The following PCDHGB6 variants were observed in gnomAD, a reference collection of about 807,000 sequenced individuals.
PCDHGB6 encodes protocadherin gamma subfamily B, 6.
A neutral mutation model predicts 59.1 loss-of-function variants in PCDHGB6; 51 were observed. The observed-to-expected ratio is 0.86, with a 90% CI of 0.69 to 1.09. The LOEUF (loss-of-function observed/expected upper bound fraction) is 1.09. PCDHGB6 is among the 50% of genes least tolerant of loss of function. The pLI, the probability that PCDHGB6 is intolerant of heterozygous loss-of-function variation, is 0.00. For missense variants in PCDHGB6, 1,148 were observed against 1,205.1 expected (o/e 0.95, Z 0.70); for synonymous variants, 466 against 495.1 (o/e 0.94, Z 0.78).
At chr5:141,449,016 C>T (rs2098623330) in intron 1 of PCDHGB6, among the ~76,000 whole-genome samples, 1 of 152,008 alleles carries the variant, frequency 6.6e-6, no homozygotes, top group African/African-American at 2.4e-5. Context: ...TTAACAGTTG[C>T]TTAGCATTCC....
At position 141,415,266 on chromosome 5, in the gene PCDHGB6, G is replaced by C. The variant is rs371754316; in HGVS notation, c.2418+4646G>C. 49 of 1,614,100 alleles carry C rather than the reference G, an allele frequency of 3.0e-5. No individual in the cohort carries two copies. The African/African-American group carries it at 6.4e-4, about 21-fold the overall frequency. On this transcript the variant is annotated intron_variant, in intron 1 of 3. Transcript: ENST00000520790. ...AAACCTCAGACCTCACTCTGTACCT[G>C]GTGGTAGCGGTGGCCGCGGTCTCCT...
In PCDHGB6 at chr5:141,485,068, T is replaced by C; in HGVS notation, c.2419-9739T>C. On this transcript the variant is annotated intron_variant, in intron 1 of 3. Transcript: ENST00000520790. The surrounding 1 kb of genome is among the most constrained non-coding windows in gnomAD (Gnocchi z 5.7). ...GGCGCCGGCCGAACCGCGCCAGAGCTGGCGCGGGGAAAGGGAGATAGGTGT... is the reference window on the plus strand; with the variant it reads ...GGCGCCGGCCGAACCGCGCCAGAGCCGGCGCGGGGAAAGGGAGATAGGTGT... 1 of 896,972 alleles carries C rather than the reference T, an allele frequency of 1.1e-6. No homozygotes were observed. The highest frequency in any genetic ancestry group is 1.6e-5 in the South Asian group (1 of 61,812). The allele number at this position is 896,972 out of a possible 1,614,324, so 55.6% of individuals were successfully genotyped here. A position where few individuals can be genotyped will look rare whatever the true frequency, so the allele number is the denominator to read the frequency against.
At chr5:141,502,907 G>C (rs1335363561) in intron 2 of PCDHGB6, among the ~76,000 whole-genome samples, 2 of 138,924 alleles carry the variant, frequency 1.4e-5, no homozygotes, top group Non-Finnish European at 3.0e-5. Context: ...CTGTTGCCAG[G>C]CTGGAGTGCA....
intron 1 of PCDHGB6, among the ~76,000 whole-genome samples, chr5:141,455,410 G>A (rs1332059386): frequency 6.6e-6 from 1 of 152,130 alleles, no homozygotes; most frequent in Non-Finnish European, 1.5e-5. Context: ...CAGAGACAGA[G>A]GGAGCGGGGC....
At position 141,486,002 on chromosome 5, in the gene PCDHGB6, G is replaced by A. The variant is rs372373315; in HGVS notation, c.2419-8805G>A. ...CCCGGACCTGGGTCCCAGTGGTAAC[G>A]TCACCTTTTATTTCAGTGGTCATAC... On this transcript the variant is annotated intron_variant, in intron 1 of 3. Coordinates refer to ENST00000520790, the MANE Select transcript of PCDHGB6 (RefSeq NM_018926.3). The surrounding 1 kb of genome is among the most constrained non-coding windows in gnomAD (Gnocchi z 5.0). 2.0e-5 allele frequency: 33 copies of A among 1,614,030 alleles called. No homozygotes were observed. The highest frequency in any genetic ancestry group is 2.8e-5 in the Non-Finnish European group (33 of 1,180,014).
chr5:141,485,338 T>C lies in PCDHGB6; in HGVS notation c.2419-9469T>C, dbSNP rs1259658641. The stretch of plus-strand genomic sequence containing the variant: ...ATGTCGCTCAAGATTTCCTGCTGGA[T>C]ACGGACAGTCTGTCAGCTCGCAGGC... On this transcript the variant is annotated intron_variant, in intron 1 of 3. Coordinates refer to ENST00000520790, the MANE Select transcript of PCDHGB6 (RefSeq NM_018926.3). The surrounding 1 kb of genome is among the most constrained non-coding windows in gnomAD (Gnocchi z 5.7). 1 of 1,614,140 alleles carries C rather than the reference T, an allele frequency of 6.2e-7. No individual in the cohort carries two copies. Among genetic ancestry groups the C allele is most frequent in the Non-Finnish European group, 8.5e-7 (1 of 1,180,006 alleles).
chr5:141,432,476 A>G lies in PCDHGB6; in HGVS notation c.2418+21856A>G. 1 of 1,614,080 alleles carries G rather than the reference A, an allele frequency of 6.2e-7. No homozygotes were observed. Among genetic ancestry groups the G allele is most frequent in the East Asian group, 2.2e-5 (1 of 44,874 alleles). ...CCCCGCCCTCCCCACGGACGGTTCCACTGGCGTGGAGCTGGCTCCCCGCTC... is the reference window on the plus strand; with the variant it reads ...CCCCGCCCTCCCCACGGACGGTTCCGCTGGCGTGGAGCTGGCTCCCCGCTC... On this transcript the variant is annotated intron_variant, in intron 1 of 3. Transcript: ENST00000520790. The surrounding 1 kb of genome is among the most constrained non-coding windows in gnomAD (Gnocchi z 6.0).
rs1561710214 is a variant in PCDHGB6, at chr5:141,408,054, C to G, written c.-149C>G. The G allele has an allele frequency of 1.5e-6, 2 of 1,295,924 alleles. No homozygotes were observed. The highest frequency in any genetic ancestry group is 2.6e-5 in the East Asian group (1 of 39,072). 80.3% of individuals were successfully genotyped at this position (1,295,924 alleles called of 1,614,324 possible). A position where few individuals can be genotyped will look rare whatever the true frequency, so the allele number is the denominator to read the frequency against. ...GAAAACCAGCTCCCACACAGAGCCT[C>G]CCGGCTGCGCAGACCTTTCCCAGCA... On this transcript the variant is annotated 5_prime_UTR_variant, in exon 1 of 4. Transcript: ENST00000520790.
intron 3 of PCDHGB6, among the ~76,000 whole-genome samples, chr5:141,509,732 C>T (rs931066969): frequency 3.9e-5 from 6 of 152,182 alleles, no homozygotes; most frequent in Non-Finnish European, 5.9e-5. Flanking sequence ...CTAGCTGTGG[C>T]ACTCTGAGCC....
chr5:141,509,350 G>C (rs2099876432), intron 3 of PCDHGB6, among the ~76,000 whole-genome samples: 5 of 152,142 alleles, frequency 3.3e-5, no homozygotes. Flanking sequence ...GGGCTGGCCT[G>C]GGCATCCCTG....
chr5:141,462,253 A>C (rs7717600), intron 1 of PCDHGB6, among the ~76,000 whole-genome samples: 42,489 of 152,124 alleles, frequency 0.28, 6,669 homozygotes, highest in African/African-American at 0.43. Context: ...AGCCACCATG[A>C]CCAGCCTAAA....
At chr5:141,449,215 T>C (rs2098631967) in intron 1 of PCDHGB6, among the ~76,000 whole-genome samples, 2 of 152,170 alleles carry the variant, frequency 1.3e-5, no homozygotes, top group Non-Finnish European at 2.9e-5. Context: ...ACTTTCTGTT[T>C]TGAAATGATT....
chr5:141,432,685 C>T lies in PCDHGB6; in HGVS notation c.2418+22065C>T, dbSNP rs1561863583. 1 of 1,613,932 alleles carries T rather than the reference C, an allele frequency of 6.2e-7. No individual in the cohort carries two copies. The highest frequency in any genetic ancestry group is 1.7e-5 in the Admixed American group (1 of 60,020). ...ACAGAGACGCGCTCAAGCAGAGCCT[C>T]GTAGTGGCCGTCCAGGACCACGGCC... On this transcript the variant is annotated intron_variant, in intron 1 of 3. Coordinates refer to ENST00000520790, the MANE Select transcript of PCDHGB6 (RefSeq NM_018926.3). This position sits in a 1 kb window ranked among gnomAD's most constrained non-coding sequence, Gnocchi z 6.0.
chr5:141,456,299 A>G (rs11167748), intron 1 of PCDHGB6, among the ~76,000 whole-genome samples: 25,602 of 152,048 alleles, frequency 0.17, 2,205 homozygotes, highest in South Asian at 0.22. Context: ...TCTAATGGAG[A>G]ACAGCAGCTA....
chr5:141,508,550 G>T (rs1440375100), intron 3 of PCDHGB6, among the ~76,000 whole-genome samples: 3 of 152,138 alleles, frequency 2.0e-5, no homozygotes, highest in Non-Finnish European at 1.5e-5. Flanking sequence ...GGTGGGCGGG[G>T]GATGGCTTTG....
intron 1 of PCDHGB6, among the ~76,000 whole-genome samples, chr5:141,483,875 AT>A (rs2154580008): frequency 6.6e-6 from 1 of 151,964 alleles, no homozygotes; most frequent in Admixed American, 6.6e-5. Context: ...ATCAGGATGG[AT>A]TTTTCTATTT....
rs758266181 is a variant in PCDHGB6 at position 141,476,561 on chromosome 5, G to A, written c.2419-18246G>A. 1.9e-6 allele frequency: 3 copies of A among 1,614,100 alleles called. No homozygotes were observed. The highest frequency in any genetic ancestry group is 2.5e-6 in the Non-Finnish European group (3 of 1,180,050). Reference sequence around the variant, plus strand: ...GAAATTGGAGATTAGCGAGGCCGTGGCTCCGGGGACGCGCTTTCCGCTCGA... The same window carrying A: ...GAAATTGGAGATTAGCGAGGCCGTGACTCCGGGGACGCGCTTTCCGCTCGA... On this transcript the variant is annotated intron_variant, in intron 1 of 3. Coordinates refer to ENST00000520790, the MANE Select transcript of PCDHGB6 (RefSeq NM_018926.3). This position sits in a 1 kb window ranked among gnomAD's most constrained non-coding sequence, Gnocchi z 7.6.
intron 1 of PCDHGB6, among the ~76,000 whole-genome samples, chr5:141,494,070 C>T (rs933213518): frequency 3.9e-5 from 6 of 152,174 alleles, no homozygotes; most frequent in African/African-American, 1.4e-4. Context: ...AGCTGGATCC[C>T]TCCCCGCTGC....
chr5:141,454,407 T>TTTTA (rs1029547484), intron 1 of PCDHGB6, among the ~76,000 whole-genome samples: 21 of 152,236 alleles, frequency 1.4e-4, no homozygotes, highest in Admixed American at 1.2e-3. Flanking sequence ...GCTTATTCCT[T>TTTTA]TTTATTTATT....
Sources: gnomAD v4.1 joint callset for allele counts (sites outside exome capture counted in the v4.1 genomes callset) on GRCh38, gnomAD v4.1.1 for gene constraint, Gnocchi (gnomAD v3.1) non-coding constraint, MANE v1.5 for transcripts, NCBI Gene and HGNC (gene_info 2026-07-23, HGNC 2026-07-21) for gene names.